Variants in PLXNA4 observed in about 807,000 individuals in gnomAD.
PLXNA4 encodes plexin A4.
A neutral mutation model predicts 191.8 loss-of-function variants in PLXNA4; 44 were observed. The ratio of observed to expected loss-of-function variants is 0.23; its 90% CI spans 0.18 to 0.29. The LOEUF (loss-of-function observed/expected upper bound fraction) is 0.29, where lower values mean the gene tolerates loss of function less well. Among genes scored for constraint, PLXNA4 ranks in the 10% least tolerant of loss-of-function variants. The probability of loss-of-function intolerance (pLI) is 1.00; values close to 1 mark genes in which losing one functional copy is unlikely to be tolerated. For missense variants in PLXNA4, 1,800 were observed against 2,488.8 expected (o/e 0.72, Z 5.89); for synonymous variants, 1,082 against 1,009.5 (o/e 1.07, Z -1.36).
intron 3 of PLXNA4, among the ~76,000 whole-genome samples, chr7:132,359,280 G>A (rs1234341287): frequency 6.8e-6 from 1 of 146,074 alleles, no homozygotes; most frequent in Non-Finnish European, 1.5e-5. Flanking sequence ...GGAGTACAGT[G>A]GCTCAATCTC....
chr7:132,526,189 G>A (rs1351582221), intron 1 of PLXNA4, among the ~76,000 whole-genome samples: 1 of 152,170 alleles, frequency 6.6e-6, no homozygotes, highest in East Asian at 1.9e-4. Context: ...TAGGTGAGGA[G>A]AAGCAACGGG....
At chr7:132,405,445 GT>G (rs1245241869) in intron 3 of PLXNA4, among the ~76,000 whole-genome samples, 1 of 152,112 alleles carries the variant, frequency 6.6e-6, no homozygotes, top group African/African-American at 2.4e-5. Context: ...CTCTTCCTTG[GT>G]TCAACTTCCC....
At chr7:132,135,293 A>T (rs1795079536) in intron 30 of PLXNA4, among the ~76,000 whole-genome samples, 1 of 152,226 alleles carries the variant, frequency 6.6e-6, no homozygotes, top group African/African-American at 2.4e-5. Flanking sequence ...AGCTTCCACC[A>T]GACAGGTATA....
chr7:132,581,729 TAC>T (rs369866652), upstream of PLXNA4, among the ~76,000 whole-genome samples: 70 of 150,000 alleles, frequency 4.7e-4, no homozygotes, highest in Non-Finnish European at 2.4e-4. Context: ...CCTCTCCTCC[TAC>T]ACACACACAC....
At chr7:132,149,055 G>A (rs1175991075) in intron 25 of PLXNA4, among the ~76,000 whole-genome samples, 27 of 152,332 alleles carry the variant, frequency 1.8e-4, no homozygotes, top group South Asian at 4.1e-4. Context: ...AGCTCTTAGA[G>A]CTGATGAAAT....
chr7:132,561,676 T>TCTCCTC (rs1169271413), intron 1 of PLXNA4, among the ~76,000 whole-genome samples: 5 of 51,130 alleles, frequency 9.8e-5, no homozygotes, highest in African/African-American at 3.8e-4. Flanking sequence ...TCCTCCTCCT[T>TCTCCTC]CTCCTCCTCC....
At chr7:132,220,964 C>T (rs917826514) in intron 9 of PLXNA4, among the ~76,000 whole-genome samples, 4 of 151,644 alleles carry the variant, frequency 2.6e-5, no homozygotes, top group African/African-American at 7.3e-5. Context: ...AGACAGGCAT[C>T]GCCATGCCCA....
chr7:132,428,424 A>T (rs187572587), intron 3 of PLXNA4, among the ~76,000 whole-genome samples: 13 of 152,350 alleles, frequency 8.5e-5, no homozygotes, highest in African/African-American at 3.1e-4. Context: ...CGATGCCAGG[A>T]GGCGAGGACC....
chr7:132,468,542 G>T (rs1434230006), intron 3 of PLXNA4, among the ~76,000 whole-genome samples: 1 of 152,178 alleles, frequency 6.6e-6, no homozygotes, highest in Non-Finnish European at 1.5e-5. Flanking sequence ...GAAGGGGCAG[G>T]CAATGCTTCT....
At chr7:132,425,445 C>T (rs1217801046) in intron 3 of PLXNA4, among the ~76,000 whole-genome samples, 4 of 152,228 alleles carry the variant, frequency 2.6e-5, no homozygotes, top group Middle Eastern at 3.4e-3. Flanking sequence ...GGCTGAATGA[C>T]GTCCTTAGGC....
chr7:132,485,678 T>C (rs182345269), intron 3 of PLXNA4, among the ~76,000 whole-genome samples: 1 of 152,324 alleles, frequency 6.6e-6, no homozygotes, highest in Non-Finnish European at 1.5e-5. Flanking sequence ...CTGTAGGTTA[T>C]TGCTAAGTTC....
intron 4 of PLXNA4, among the ~76,000 whole-genome samples, chr7:132,256,847 A>G (rs1215784072): frequency 2.0e-5 from 3 of 152,112 alleles, no homozygotes; most frequent in African/African-American, 7.2e-5. Flanking sequence ...CTGGAATCTG[A>G]GTGATACGGC....
chr7:132,306,744 A>G (rs1801537551), intron 3 of PLXNA4, among the ~76,000 whole-genome samples: 1 of 152,196 alleles, frequency 6.6e-6, no homozygotes, highest in Non-Finnish European at 1.5e-5. Flanking sequence ...GCACACTCAC[A>G]GACATGTGTG....
intron 3 of PLXNA4, chr7:132,484,961 T>C: frequency 3.1e-6 from 5 of 1,614,116 alleles, no homozygotes; most frequent in Non-Finnish European, 4.2e-6. Flanking sequence ...TGGGTCTCCC[T>C]CCACTCCAAT....
intron 3 of PLXNA4, among the ~76,000 whole-genome samples, chr7:132,375,171 G>T (rs1313873035): frequency 2.0e-5 from 3 of 152,226 alleles, no homozygotes; most frequent in Non-Finnish European, 4.4e-5. Flanking sequence ...GGCAAGGCCA[G>T]AGTAGGAAAG....
At chr7:132,437,060 GC>G (rs879193213) in intron 3 of PLXNA4, among the ~76,000 whole-genome samples, 5 of 152,152 alleles carry the variant, frequency 3.3e-5, no homozygotes, top group Admixed American at 3.3e-4. Flanking sequence ...GTTGACCTTG[GC>G]CCCAAAACAC....
At chr7:132,357,411 T>A (rs768509537) in intron 3 of PLXNA4, among the ~76,000 whole-genome samples, 5 of 152,188 alleles carry the variant, frequency 3.3e-5, no homozygotes, top group Non-Finnish European at 5.9e-5. Context: ...CAGGAGTGCA[T>A]GTCTCAAGGA....
chr7:132,124,035 G>A lies in PLXNA4; in HGVS notation c.*6444C>T, dbSNP rs1256644868. The A allele has an allele frequency of 1.3e-5, 2 of 152,246 alleles. No individual in the cohort carries two copies. Among genetic ancestry groups the A allele is most frequent in the Non-Finnish European group, 2.9e-5 (2 of 68,076 alleles). 9.4% of individuals were successfully genotyped at this position (152,246 alleles called of 1,614,324 possible). A position where few individuals can be genotyped will look rare whatever the true frequency, so the allele number is the denominator to read the frequency against. On this transcript the variant is annotated 3_prime_UTR_variant, in exon 32 of 32. Transcript: ENST00000321063. ...CCCCTACATGCTAAAGTGGGGAGGAGGGCAGTGGCATCCAATCCTTCCTTC... is the reference window on the plus strand; with the variant it reads ...CCCCTACATGCTAAAGTGGGGAGGAAGGCAGTGGCATCCAATCCTTCCTTC...
chr7:132,515,091 C>T (rs930276197), intron 1 of PLXNA4, among the ~76,000 whole-genome samples: 12 of 150,344 alleles, frequency 8.0e-5, no homozygotes, highest in South Asian at 2.2e-4. Flanking sequence ...ATCAGGTCTC[C>T]GACAAGCAAC....
Sources: allele counts gnomAD v4.1 joint callset (sites outside exome capture counted in the v4.1 genomes callset), GRCh38; gene constraint gnomAD v4.1.1; transcripts MANE v1.5; gene names NCBI Gene and HGNC (gene_info 2026-07-23, HGNC 2026-07-21).